Variants in MAN1A2 observed in about 807,000 individuals in gnomAD.
MAN1A2 encodes mannosidase alpha class 1A member 2.
In MAN1A2, 26 loss-of-function variants were observed where a neutral mutation model predicts 75.7. The ratio of observed to expected loss-of-function variants is 0.34; its 90% confidence interval spans 0.25 to 0.48. The LOEUF (loss-of-function observed/expected upper bound fraction) is 0.48. Ranked by LOEUF, MAN1A2 falls within the 20% of genes least tolerant of loss-of-function variation. The pLI, the probability that MAN1A2 is intolerant of heterozygous loss-of-function variation, is 0.99. For missense variants in MAN1A2, 562 were observed against 775.5 expected, an observed-to-expected ratio of 0.72 and a Z score of 3.27; for synonymous variants, 247 against 264.6, an observed-to-expected ratio of 0.93 and a Z score of 0.65.
intron 12 of MAN1A2, among the ~76,000 whole-genome samples, chr1:117,512,086 A>G (rs543296916): frequency 6.6e-6 from 1 of 152,204 alleles, no homozygotes; most frequent in South Asian, 2.1e-4. Flanking sequence ...GACCTACTTT[A>G]TTTCCTGGTT....
intron 6 of MAN1A2, among the ~76,000 whole-genome samples, chr1:117,450,525 C>T (rs1481859942): frequency 6.6e-6 from 1 of 152,172 alleles, no homozygotes; most frequent in Non-Finnish European, 1.5e-5. Flanking sequence ...AATGTTAACC[C>T]CCAAGACAAT....
At chr1:117,514,269 A>G (rs1469209190) in intron 12 of MAN1A2, among the ~76,000 whole-genome samples, 2 of 151,990 alleles carry the variant, frequency 1.3e-5, no homozygotes, top group Admixed American at 6.6e-5. Context: ...AGGCTGAGAC[A>G]GGAGAATCAC....
intron 7 of MAN1A2, among the ~76,000 whole-genome samples, chr1:117,461,472 A>C (rs1288953445): frequency 6.6e-6 from 1 of 152,152 alleles, no homozygotes; most frequent in African/African-American, 2.4e-5. Flanking sequence ...AGAATGAATA[A>C]GATCTAATGT....
At chr1:117,477,986 A>G (rs1014644825) in intron 8 of MAN1A2, among the ~76,000 whole-genome samples, 2 of 152,076 alleles carry the variant, frequency 1.3e-5, no homozygotes, top group East Asian at 1.9e-4. Context: ...CTGTACACCA[A>G]TAATAGACAA....
intron 6 of MAN1A2, among the ~76,000 whole-genome samples, chr1:117,459,683 C>T (rs71668697): frequency 0.14 from 20,958 of 151,826 alleles, 1,659 homozygotes; most frequent in Admixed American, 0.22. Flanking sequence ...AAAAATAAAA[C>T]GCAAGAGCAT....
chr1:117,525,117 C>A lies in MAN1A2; in HGVS notation c.*2160C>A. The A allele has an allele frequency of 1.9e-6, 1 of 529,310 alleles. No individual in the cohort carries two copies. The highest frequency in any genetic ancestry group is 3.9e-6 in the Non-Finnish European group (1 of 258,388). The allele number at this position is 529,310 out of a possible 1,614,324, so 32.8% of individuals were successfully genotyped here. A position where few individuals can be genotyped will look rare whatever the true frequency, so the allele number is the denominator to read the frequency against. On this transcript the variant is annotated 3_prime_UTR_variant, in exon 13 of 13. Coordinates refer to ENST00000356554, the MANE Select transcript of MAN1A2 (RefSeq NM_006699.5). ...CTTCTCAAGGGATGAGGAGACAGAACCCCTACTTCCAAGTGCTCTATTTGT... is the reference window on the plus strand; with the variant it reads ...CTTCTCAAGGGATGAGGAGACAGAAACCCTACTTCCAAGTGCTCTATTTGT...
Position 117,496,995 on chromosome 1 carries a change from A to G in MAN1A2, c.1504+13A>G, listed in dbSNP as rs373326906. The G allele has an allele frequency of 1.1e-5, 17 of 1,589,992 alleles. No individual in the cohort carries two copies. The highest frequency in any genetic ancestry group is 1.8e-4 in the Middle Eastern group (1 of 5,706). Reference sequence around the variant, plus strand: ...TATGACAGAACTGGTAAGAATATTAATAAGGCTAATTATATAGTCTAAAAT... The same window carrying G: ...TATGACAGAACTGGTAAGAATATTAGTAAGGCTAATTATATAGTCTAAAAT... On this transcript the variant is annotated intron_variant, in intron 10 of 12. Transcript: ENST00000356554.
At chr1:117,429,731 CG>C (rs1648533689) in intron 5 of MAN1A2, among the ~76,000 whole-genome samples, 1 of 109,210 alleles carries the variant, frequency 9.2e-6, no homozygotes, top group Non-Finnish European at 2.0e-5. Context: ...ACCTCCCTCC[CG>C]GACGGGGCGG....
At chr1:117,482,109 G>T (rs1362567107) in intron 8 of MAN1A2, among the ~76,000 whole-genome samples, 1 of 151,808 alleles carries the variant, frequency 6.6e-6, no homozygotes, top group South Asian at 2.1e-4. Context: ...ATGTGCACAC[G>T]TGCAGGGTTT....
chr1:117,428,024 C>T (rs1648433474), intron 5 of MAN1A2, among the ~76,000 whole-genome samples: 1 of 152,056 alleles, frequency 6.6e-6, no homozygotes, highest in South Asian at 2.1e-4. Context: ...TAATTAATCC[C>T]TGGGACAAAC....
chr1:117,524,776 T>G lies in MAN1A2; in HGVS notation c.*1819T>G, dbSNP rs1390044849. ...GATGCAGGGCCAGTTACAATAGTCC[T>G]TAAGAGAGTTAAATTATAGCACATG... On this transcript the variant is annotated 3_prime_UTR_variant, in exon 13 of 13. Coordinates refer to ENST00000356554, the MANE Select transcript of MAN1A2 (RefSeq NM_006699.5). 5.7e-6 allele frequency: 1 copy of G among 175,082 alleles called. No homozygotes were observed. Among genetic ancestry groups the G allele is most frequent in the Non-Finnish European group, 1.2e-5 (1 of 80,938 alleles). The allele number at this position is 175,082 out of a possible 1,614,324, so 10.8% of individuals were successfully genotyped here.
chr1:117,446,907 C>T (rs906810056), intron 6 of MAN1A2, among the ~76,000 whole-genome samples: 26 of 152,010 alleles, frequency 1.7e-4, no homozygotes, highest in African/African-American at 6.3e-4. Flanking sequence ...TGTCTCTTCT[C>T]TATTTCTGTC....
chr1:117,450,004 G>A lies in MAN1A2; in HGVS notation c.950+7679G>A, dbSNP rs6702187. Among the ~76,000 whole-genome samples, 704 of 152,310 alleles carry A rather than the reference G, an allele frequency of 4.6e-3. 7 individuals are homozygous for A. Among genetic ancestry groups the A allele is most frequent in the African/African-American group, 0.016 (669 of 41,570 alleles). On this transcript the variant is annotated intron_variant, in intron 6 of 12. Coordinates refer to ENST00000356554, the MANE Select transcript of MAN1A2 (RefSeq NM_006699.5). The stretch of plus-strand genomic sequence containing the variant: ...GCAAGTACCAGTAGAGTGGGACATC[G>A]CTGAAAAGATGCCTGAAAATGTGGA...
chr1:117,458,523 A>ATTTTTTTTTTTTTTTTTTTTTTT (rs5777311), intron 6 of MAN1A2, among the ~76,000 whole-genome samples: 2 of 105,610 alleles, frequency 1.9e-5, no homozygotes, highest in Non-Finnish European at 4.0e-5. Flanking sequence ...ATATATATAT[A>ATTTTTTTTTTTTTTTTTTTTTTT]TTTTTTTTTT....
At chr1:117,430,044 C>T (rs1570737496) in intron 5 of MAN1A2, among the ~76,000 whole-genome samples, 2 of 41,592 alleles carry the variant, frequency 4.8e-5, no homozygotes, top group Non-Finnish European at 1.0e-4. Flanking sequence ...GACCCCCCCA[C>T]CTCCCTCCCG....
At chr1:117,426,013 A>G (rs550361582) in intron 5 of MAN1A2, among the ~76,000 whole-genome samples, 2 of 152,152 alleles carry the variant, frequency 1.3e-5, no homozygotes, top group East Asian at 3.9e-4. Context: ...GTATAGGTCT[A>G]TTGGTAGTGA....
chr1:117,472,342 C>G (rs1325424647), intron 8 of MAN1A2, among the ~76,000 whole-genome samples: 1 of 151,790 alleles, frequency 6.6e-6, no homozygotes, highest in Non-Finnish European at 1.5e-5. Flanking sequence ...TATATAAATA[C>G]CCATTAAAAG....
At chr1:117,426,394 T>A (rs185523146) in intron 5 of MAN1A2, among the ~76,000 whole-genome samples, 50 of 152,292 alleles carry the variant, frequency 3.3e-4, no homozygotes, top group Non-Finnish European at 1.0e-4. Flanking sequence ...TCTTTAATTA[T>A]TTTCTAAAAA....
At chr1:117,511,617 AT>A (rs1003588159) in intron 12 of MAN1A2, among the ~76,000 whole-genome samples, 81 of 152,132 alleles carry the variant, frequency 5.3e-4, no homozygotes, top group African/African-American at 1.9e-3. Context: ...TTGTTGATAA[AT>A]TTTTAGTCTG....
Sources: allele counts gnomAD v4.1 joint callset (sites outside exome capture counted in the v4.1 genomes callset), GRCh38; gene constraint gnomAD v4.1.1; transcripts MANE v1.5; gene names NCBI Gene and HGNC (gene_info 2026-07-23, HGNC 2026-07-21).